TLE3: variants seen among roughly 807,000 people sequenced by gnomAD.
TLE3 encodes transducin-like enhancer protein 3.
Under a neutral mutation model 93.0 loss-of-function variants are expected in TLE3, and 14 were observed. That is an observed-to-expected ratio of 0.15 (90% CI 0.10 to 0.24). The LOEUF is 0.24. TLE3 is among the 10% of genes least tolerant of loss of function. The probability of loss-of-function intolerance (pLI) is 1.00; values close to 1 mark genes in which losing one functional copy is unlikely to be tolerated. For synonymous variants in TLE3, 451 were observed against 425.0 expected, an observed-to-expected ratio of 1.06 and a Z score of -0.75; for missense variants, 693 against 1,046.6, an observed-to-expected ratio of 0.66 and a Z score of 4.66.
Position 70,054,512 on chromosome 15 carries a change from G to C in TLE3, c.1752C>G (p.Asp584Glu). 1.9e-6 allele frequency: 3 copies of C among 1,614,048 alleles called. No homozygotes were observed. Among genetic ancestry groups the C allele is most frequent in the Non-Finnish European group, 2.5e-6 (3 of 1,179,914 alleles). ...PACYALAISP[D>E]AKVCFSCCSD... ...TGCAGCAGGAGAAGCAGACTTTGGC[G>C]TCAGGGCTAATGGCCAGGGCATAAC... Residue 584 changes from aspartate to glutamate, a missense_variant, in exon 16 of 20, where the codon GAC becomes GAG. By Grantham distance (45) the Asp-to-Glu change is conservative. This residue lies in a region of TLE3 where 153 missense variants were observed against 379.9 expected (regional missense o/e 0.40). Coordinates refer to ENST00000451782, the MANE Select transcript of TLE3 (RefSeq NM_001105192.3).
intron 8 of TLE3, among the ~76,000 whole-genome samples, chr15:70,063,681 G>A (rs756505992): frequency 2.0e-5 from 3 of 152,214 alleles, no homozygotes; most frequent in Non-Finnish European, 2.9e-5. Context: ...TTTGCTAATC[G>A]CTGGAGGATT....
chr15:70,080,753 G>A (rs2057734412), intron 4 of TLE3, among the ~76,000 whole-genome samples: 1 of 152,260 alleles, frequency 6.6e-6, no homozygotes, highest in Non-Finnish European at 1.5e-5. Flanking sequence ...CCACAGTCTA[G>A]TATTCACGTT....
Position 70,055,293 on chromosome 15 carries a change from T to C in TLE3, c.1334A>G (p.Tyr445Cys). The change falls in exon 15 of 20, where the codon TAC (tyrosine) becomes TGC (cysteine). Residue 445 changes from tyrosine to cysteine, a missense_variant. By Grantham distance (194) the Tyr-to-Cys change is radical (BLOSUM62 -2). Transcript: ENST00000451782. The part of the protein sequence containing the change: ...LASIPGGKPA[Y>C]SFHVSADGQM... The stretch of plus-strand genomic sequence containing the variant: ...CCCATCAGCACTCACATGGAATGAG[T>C]ACGCTCTGAAAAGGTGAGAAACCGT... The C allele has an allele frequency of 1.3e-6, 2 of 1,574,074 alleles. No individual in the cohort carries two copies. Among genetic ancestry groups the C allele is most frequent in the Admixed American group, 3.4e-5 (2 of 58,160 alleles).
At position 70,057,565 on chromosome 15, in the gene TLE3, C is replaced by G. The variant is rs953130735; in HGVS notation, c.1145G>C (p.Ser382Thr). 2 of 1,601,810 alleles carry G rather than the reference C, an allele frequency of 1.2e-6. No individual in the cohort carries two copies. Among genetic ancestry groups the G allele is most frequent in the African/African-American group, 2.7e-5 (2 of 74,906 alleles). Residue 382 changes from serine to threonine, a missense_variant, in exon 13 of 20, where the codon AGT becomes ACT. This residue lies in a region of TLE3 where 405 missense variants were observed against 468.9 expected (regional missense o/e 0.86). Coordinates refer to ENST00000451782, the MANE Select transcript of TLE3 (RefSeq NM_001105192.3). The stretch of plus-strand genomic sequence containing the variant: ...GTGGAGGCCGGCGTAGGCGCCAGGA[C>G]TGGTGAGGGAGCCGTTCATCTCATG... Reference protein sequence around the residue: ...SHHEMNGSLTSPGAYAGLHNI... With the variant: ...SHHEMNGSLTTPGAYAGLHNI...
intron 19 of TLE3, 124 bp from the exon 20 acceptor site, chr15:70,050,328 C>T (rs1239523469): frequency 2.4e-5 from 18 of 757,894 alleles, no homozygotes; most frequent in East Asian, 2.6e-5. Context: ...CCCTCCTCTG[C>T]CCCTCTCTGA....
chr15:70,093,796 C>G lies in TLE3; in HGVS notation c.234+736G>C, dbSNP rs1011000043. ...CCAGGTAGTTTACATATCCATCAAA[C>G]GACACCACACTAGCTAAACTGGTTT... is the stretch of plus-strand genomic sequence containing the variant. On this transcript the variant is annotated intron_variant, in intron 4 of 19. Transcript: ENST00000451782. Among the ~76,000 whole-genome samples the G allele has an allele frequency of 9.2e-5, 14 of 152,210 alleles. No homozygotes were observed. The East Asian group carries it at 9.6e-4, about 10-fold the overall frequency.
chr15:70,053,568 C>T (rs766276213), intron 16 of TLE3, 194 bp from the exon 17 acceptor site: 2 of 552,860 alleles, frequency 3.6e-6, no homozygotes, highest in South Asian at 3.7e-5. Context: ...TCCAGTTCCA[C>T]GGAAGGGTTT....
At chr15:70,096,666 AAC>A (rs1320103621) in intron 1 of TLE3, 107 bp downstream of exon 1, 4 of 1,557,038 alleles carry the variant, frequency 2.6e-6, no homozygotes, top group African/African-American at 1.4e-5. Flanking sequence ...CACACACACA[AAC>A]ACACACACCA....
chr15:70,079,332 C>T (rs2057626556), intron 4 of TLE3: 1 of 495,564 alleles, frequency 2.0e-6, no homozygotes, highest in African/African-American at 2.1e-5. Flanking sequence ...GCAGGAAGGA[C>T]TTTGGCACGT....
intron 4 of TLE3, among the ~76,000 whole-genome samples, chr15:70,076,620 T>A (rs1185232903): frequency 1.3e-5 from 2 of 152,214 alleles, no homozygotes; most frequent in African/African-American, 4.8e-5. Context: ...AGCGGTCCTA[T>A]GTGGCAAAGG....
intron 4 of TLE3, among the ~76,000 whole-genome samples, chr15:70,084,028 T>G (rs2057922962): frequency 6.6e-6 from 1 of 152,170 alleles, no homozygotes; most frequent in Non-Finnish European, 1.5e-5. Flanking sequence ...AAAATCAAGA[T>G]CGGTCATTTA....
chr15:70,078,509 ATGTT>A (rs1266664066), intron 4 of TLE3, among the ~76,000 whole-genome samples: 2 of 152,212 alleles, frequency 1.3e-5, no homozygotes, highest in African/African-American at 4.8e-5. Flanking sequence ...TGCTCCGTAA[ATGTT>A]TGGCCCAAAG....
At chr15:70,078,710 C>A (rs1392694698) in intron 4 of TLE3, among the ~76,000 whole-genome samples, 1 of 152,236 alleles carries the variant, frequency 6.6e-6, no homozygotes. Flanking sequence ...CACCTCCAAG[C>A]CAGGCCAATC....
At chr15:70,090,292 T>C (rs773998275) in intron 4 of TLE3, among the ~76,000 whole-genome samples, 26 of 138,600 alleles carry the variant, frequency 1.9e-4, no homozygotes, top group Non-Finnish European at 3.4e-4. Flanking sequence ...TACCAGGGCA[T>C]GGGGCCGGGT....
intron 14 of TLE3, 196 bp from the exon 15 acceptor site, chr15:70,055,494 T>G (rs2055941120): frequency 1.6e-6 from 1 of 624,820 alleles, no homozygotes; most frequent in Non-Finnish European, 2.5e-6. Context: ...ACAGACCAGC[T>G]TTGATTTTTA....
chr15:70,086,678 CA>C (rs1339504256), intron 4 of TLE3, among the ~76,000 whole-genome samples: 4 of 152,142 alleles, frequency 2.6e-5, no homozygotes, highest in Non-Finnish European at 5.9e-5. Context: ...ACAAAAAAAG[CA>C]GTAGAAGAAC....
chr15:70,088,342 C>T (rs939992251), intron 4 of TLE3, among the ~76,000 whole-genome samples: 17 of 152,332 alleles, frequency 1.1e-4, no homozygotes, highest in African/African-American at 2.6e-4. Context: ...GCTTACATGG[C>T]GGCAGGACGT....
At chr15:70,054,796 C>T in intron 15 of TLE3, 111 bp from the exon 16 acceptor site, 2 of 1,396,472 alleles carry the variant, frequency 1.4e-6, no homozygotes, top group African/African-American at 1.5e-5. Context: ...ACAGCCTCCC[C>T]CTATACCCAG....
rs1470271001 is a variant in TLE3 at position 70,057,431 on chromosome 15, C to T, written c.1251+28G>A. ...GGCTCCCCACACCACGCCCAGTCCCCAAGAAAGGAGCCAAAAGGTCTACGT... is the reference window on the plus strand; with the variant it reads ...GGCTCCCCACACCACGCCCAGTCCCTAAGAAAGGAGCCAAAAGGTCTACGT... On this transcript the variant is annotated intron_variant, in intron 13 of 19. Transcript: ENST00000451782. 1.9e-6 allele frequency: 3 copies of T among 1,563,348 alleles called. No individual in the cohort carries two copies. In the African/African-American group the frequency reaches 4.1e-5, roughly 21 times the overall value.
Sources: allele counts gnomAD v4.1 joint callset (sites outside exome capture counted in the v4.1 genomes callset), GRCh38; gene constraint gnomAD v4.1.1; regional missense constraint gnomAD v4.1.1; transcripts MANE v1.5; gene names NCBI Gene and HGNC (gene_info 2026-07-23, HGNC 2026-07-21).